CNGB1: variants seen among roughly 807,000 people sequenced by gnomAD.
The protein encoded by CNGB1 is cyclic nucleotide-gated channel beta-1.
CNGB1 carries 126 observed loss-of-function variants against 151.7 expected under a neutral mutation model. The observed-to-expected ratio is 0.83, with a 90% CI of 0.72 to 0.96. The LOEUF (loss-of-function observed/expected upper bound fraction) is 0.96. Among genes scored for constraint, CNGB1 ranks in the 40% least tolerant of loss-of-function variants. The pLI is 0.00. For synonymous variants in CNGB1, 623 were observed against 635.1 expected (o/e 0.98, Z 0.29); for missense variants, 1,698 against 1,627.0 (o/e 1.04, Z -0.75).
chr16:57,903,926 A>G lies in CNGB1; in HGVS notation c.2690T>C (p.Met897Thr), dbSNP rs1960460970. Reference sequence around the variant, plus strand: ...ATTCATGTACTTCACCGTGCTGTCCATGCAGCTGCGGTAGTAGGTCTGTCC... The same window carrying G: ...ATTCATGTACTTCACCGTGCTGTCCGTGCAGCTGCGGTAGTAGGTCTGTCC... ...TAGQTYYRSC[M>T]DSTVKYMNFY... is the part of the protein sequence containing the mutation. Residue 897 changes from methionine (M) to threonine (T), a missense_variant, in exon 27 of 33, where the codon ATG (methionine) becomes ACG (threonine). Physicochemically the swap from Met to Thr is moderately conservative, Grantham distance 81. Coordinates refer to ENST00000251102, the MANE Select transcript of CNGB1 (RefSeq NM_001297.5). 6.2e-7 allele frequency: 1 copy of G among 1,614,008 alleles called. No individual in the cohort carries two copies. The highest frequency in any genetic ancestry group is 1.3e-5 in the African/African-American group (1 of 74,926).
rs1389199667 is a variant in CNGB1 at position 57,882,709 on chromosome 16, C to G, written c.*1455G>C. The G allele has an allele frequency of 6.6e-6, 1 of 152,094 alleles. No homozygotes were observed. Among genetic ancestry groups the G allele is most frequent in the African/African-American group, 2.4e-5 (1 of 41,410 alleles). 9.4% of individuals were successfully genotyped at this position (152,094 alleles called of 1,614,324 possible). A position where few individuals can be genotyped will look rare whatever the true frequency, so the allele number is the denominator to read the frequency against. On this transcript the variant is annotated 3_prime_UTR_variant, in exon 33 of 33. Coordinates refer to ENST00000251102, the MANE Select transcript of CNGB1 (RefSeq NM_001297.5). ...ACTAGATTTTGTTTTTAATCACTCA[C>G]TCCCCCAAGAGCCATTTGGTATGCA... is the stretch of plus-strand genomic sequence containing the variant.
chr16:57,899,327 AAAAAAT>A (rs1424063129), intron 29 of CNGB1, among the ~76,000 whole-genome samples: 7 of 150,616 alleles, frequency 4.6e-5, no homozygotes, highest in Non-Finnish European at 1.0e-4. Flanking sequence ...CTACAGAAAA[AAAAAAT>A]AATAATAATA....
Position 57,956,642 on chromosome 16 carries a change from A to G in CNGB1, c.874+699T>C, listed in dbSNP as rs1181542360. On this transcript the variant is annotated intron_variant, in intron 12 of 32. Transcript: ENST00000251102. Reference sequence around the variant, plus strand: ...TGTTCAGGATGGAACAGGGGATGCCACCACCCACAGCCCCTGAACTCTGCT... The same window carrying G: ...TGTTCAGGATGGAACAGGGGATGCCGCCACCCACAGCCCCTGAACTCTGCT... Among the ~76,000 whole-genome samples the G allele has an allele frequency of 4.6e-5, 7 of 152,134 alleles. No individual in the cohort carries two copies. The South Asian group carries it at 1.2e-3, about 27-fold the overall frequency.
At position 57,885,830 on chromosome 16, in the gene CNGB1, G is replaced by A. The variant is rs150879612; in HGVS notation, c.3463-1373C>T. ...GCTGGTCTTAAACTCCTGACCTCAA[G>A]TGATCTGCCCACCTTGGCCTCCCAA... On this transcript the variant is annotated intron_variant, in intron 32 of 32. Transcript: ENST00000251102. Among the ~76,000 whole-genome samples, 1,007 of 152,194 alleles carry A rather than the reference G, an allele frequency of 6.6e-3. 12 individuals carry two copies. Among genetic ancestry groups the A allele is most frequent in the Middle Eastern group, 0.017 (5 of 294 alleles).
At chr16:57,894,863 G>A (rs1292200225) in intron 31 of CNGB1, among the ~76,000 whole-genome samples, 1 of 151,906 alleles carries the variant, frequency 6.6e-6, no homozygotes, top group African/African-American at 2.4e-5. Flanking sequence ...TAAATGGAAT[G>A]TAAACTGAAA....
At chr16:57,914,021 T>C (rs750231491) in intron 23 of CNGB1, among the ~76,000 whole-genome samples, 1 of 152,234 alleles carries the variant, frequency 6.6e-6, no homozygotes, top group Non-Finnish European at 1.5e-5. Context: ...ATAGTATTTA[T>C]GAAGATTCTC....
chr16:57,907,475 A>G (rs776101752), intron 25 of CNGB1, among the ~76,000 whole-genome samples: 5 of 152,252 alleles, frequency 3.3e-5, no homozygotes, highest in Non-Finnish European at 5.9e-5. Flanking sequence ...AACAATAGCC[A>G]TAGCTAGGCA....
intron 12 of CNGB1, chr16:57,954,896 G>A: frequency 9.7e-7 from 1 of 1,033,894 alleles, no homozygotes; most frequent in African/African-American, 1.7e-5. Flanking sequence ...TCCATCCATG[G>A]GGCTTTTTAA....
At chr16:57,922,289 C>T (rs247064) in intron 18 of CNGB1, among the ~76,000 whole-genome samples, 1 of 151,920 alleles carries the variant, frequency 6.6e-6, no homozygotes. Context: ...GCCCAGGGCC[C>T]GGGTATTCGC....
Position 57,915,821 on chromosome 16 carries a change from C to T in CNGB1, c.2217+308G>A, listed in dbSNP as rs376333081. ...GGCTGAGGCAGGAGGAGTGCTTGAA[C>T]GAGGAGGCAGAGGTTGCAGTGAGCC... On this transcript the variant is annotated intron_variant, in intron 22 of 32. Coordinates refer to ENST00000251102, the MANE Select transcript of CNGB1 (RefSeq NM_001297.5). Among the ~76,000 whole-genome samples, 34 of 148,354 alleles carry T rather than the reference C, an allele frequency of 2.3e-4. No individual in the cohort carries two copies. The East Asian group carries it at 3.0e-3, about 13-fold the overall frequency.
intron 24 of CNGB1, among the ~76,000 whole-genome samples, chr16:57,912,268 C>T (rs1222895718): frequency 2.0e-5 from 3 of 152,186 alleles, no homozygotes; most frequent in Non-Finnish European, 4.4e-5. Flanking sequence ...ATCTGTGAAA[C>T]AGCCACCGCC....
intron 25 of CNGB1, among the ~76,000 whole-genome samples, chr16:57,907,774 A>G (rs990894519): frequency 1.3e-5 from 2 of 152,110 alleles, no homozygotes; most frequent in Non-Finnish European, 2.9e-5. Flanking sequence ...TGTGAATGGG[A>G]ATGGGTAAAA....
At chr16:57,911,456 G>GTTTTTTTTTTTTTTTTTTTT (rs1960707386) in intron 25 of CNGB1, among the ~76,000 whole-genome samples, 1 of 151,934 alleles carries the variant, frequency 6.6e-6, no homozygotes, top group Non-Finnish European at 1.5e-5. Context: ...GCCCAGCTAA[G>GTTTTTTTTTTTTTTTTTTTT]TTTTGTATTT....
chr16:57,960,176 C>T, intron 9 of CNGB1, 111 bp from the exon 10 acceptor site: 1 of 1,495,058 alleles, frequency 6.7e-7, no homozygotes, highest in East Asian at 2.5e-5. Flanking sequence ...AATGGGGAGC[C>T]CTTTGGGACC....
In CNGB1 at chr16:57,917,131, C is replaced by T. The variant is rs1338592316; in HGVS notation, c.2166+137G>A. On this transcript the variant is annotated intron_variant, in intron 21 of 32. Transcript: ENST00000251102. ...CAAAATAAACAACCATGCTATTGAA[C>T]AAGCACAGCAGCCGTTCTTGAGATT... is the stretch of plus-strand genomic sequence containing the variant. 5 of 769,516 alleles carry T rather than the reference C, an allele frequency of 6.5e-6. No homozygotes were observed. The Admixed American group carries it at 8.0e-5, about 12-fold the overall frequency. 47.7% of individuals were successfully genotyped at this position (769,516 alleles called of 1,614,324 possible).
At chr16:57,953,902 C>A (rs760324049) in intron 12 of CNGB1, among the ~76,000 whole-genome samples, 3 of 151,912 alleles carry the variant, frequency 2.0e-5, no homozygotes, top group Non-Finnish European at 2.9e-5. Context: ...AAAAAAACAA[C>A]ACAGAACCAA....
chr16:57,961,535 C>T (rs1962254961), intron 7 of CNGB1, among the ~76,000 whole-genome samples: 1 of 152,086 alleles, frequency 6.6e-6, no homozygotes. Context: ...CTCTAGGTGC[C>T]CTCATCCTAA....
intron 12 of CNGB1, among the ~76,000 whole-genome samples, chr16:57,951,688 G>A (rs144380347): frequency 1.8e-4 from 28 of 152,170 alleles, no homozygotes; most frequent in Non-Finnish European, 3.7e-4. Context: ...GGAATAACTC[G>A]ATTAGTCCTC....
chr16:57,911,951 C>A (rs1960728507), intron 24 of CNGB1, 76 bp from the exon 25 acceptor site: 1 of 1,593,798 alleles, frequency 6.3e-7, no homozygotes, highest in African/African-American at 1.3e-5. Flanking sequence ...CAGTGAGAGC[C>A]AACCCATGGC....
Sources: allele counts gnomAD v4.1 joint callset (sites outside exome capture counted in the v4.1 genomes callset), GRCh38; gene constraint gnomAD v4.1.1; transcripts MANE v1.5; gene names NCBI Gene and HGNC (gene_info 2026-07-23, HGNC 2026-07-21).